MAP4K1: variants seen among roughly 807,000 people sequenced by gnomAD.
MAP4K1 encodes MAPK/ERK kinase kinase kinase 1.
A neutral mutation model predicts 122.8 loss-of-function variants in MAP4K1; 35 were observed. The ratio of observed to expected loss-of-function variants is 0.29; its 90% CI spans 0.22 to 0.38. The LOEUF (loss-of-function observed/expected upper bound fraction) is 0.38. MAP4K1 is among the 10% of genes least tolerant of loss of function. MAP4K1 has a pLI of 1.00. For missense variants in MAP4K1, 791 were observed against 1,072.6 expected (o/e 0.74, Z 3.67); for synonymous variants, 412 against 421.3 (o/e 0.98, Z 0.27).
At chr19:38,611,350 G>T in intron 9 of MAP4K1, 45 bp from the exon 10 acceptor site, 1 of 1,354,394 alleles carries the variant, frequency 7.4e-7, no homozygotes, top group Non-Finnish European at 1.1e-6. Context: ...CCTCAAGGGG[G>T]CCAGACCTCA....
chr19:38,597,235 A>C lies in MAP4K1; in HGVS notation c.1837+91T>G. The C allele has an allele frequency of 6.2e-7, 1 of 1,600,666 alleles. No homozygotes were observed. The highest frequency in any genetic ancestry group is 8.6e-7 in the Non-Finnish European group (1 of 1,168,946). ...TCTGGGTTCTGGACACATTGCCTTA[A>C]CTCTGTAACCTTCTCAGGTGGATGC... On this transcript the variant is annotated intron_variant, in intron 24 of 30. Coordinates refer to ENST00000396857, the MANE Select transcript of MAP4K1 (RefSeq NM_001042600.3). This position sits in a 1 kb window ranked among gnomAD's most constrained non-coding sequence, Gnocchi z 4.6.
At chr19:38,611,166 G>A (rs1238378620) in intron 10 of MAP4K1, 34 bp from the exon 11 acceptor site, 2 of 1,598,986 alleles carry the variant, frequency 1.3e-6, no homozygotes, top group Non-Finnish European at 8.6e-7. Context: ...TGGATGAGGG[G>A]ACCAGAAACC....
At chr19:38,598,347 T>G (rs1052948391) in intron 22 of MAP4K1, among the ~76,000 whole-genome samples, 1 of 151,834 alleles carries the variant, frequency 6.6e-6, no homozygotes, top group Non-Finnish European at 1.5e-5. Context: ...TTGTTATATA[T>G]AGACAGGGTC....
In MAP4K1 at chr19:38,597,631, T is replaced by G; in HGVS notation, c.1670-37A>C. 7.0e-7 allele frequency: 1 copy of G among 1,436,830 alleles called. No homozygotes were observed. Among genetic ancestry groups the G allele is most frequent in the Non-Finnish European group, 9.6e-7 (1 of 1,037,218 alleles). 89.0% of individuals were successfully genotyped at this position (1,436,830 alleles called of 1,614,324 possible). A position where few individuals can be genotyped will look rare whatever the true frequency, so the allele number is the denominator to read the frequency against. On this transcript the variant is annotated intron_variant, in intron 22 of 30. Coordinates refer to ENST00000396857, the MANE Select transcript of MAP4K1 (RefSeq NM_001042600.3). This position sits in a 1 kb window ranked among gnomAD's most constrained non-coding sequence, Gnocchi z 4.6. ...GTGTATGTAGGGGGAAGCAGGAAGT[T>G]ATAGGATCCCATATACCACTTCCTT...
chr19:38,608,856 T>G (rs1599714118), intron 13 of MAP4K1, among the ~76,000 whole-genome samples: 1 of 137,204 alleles, frequency 7.3e-6, no homozygotes, highest in South Asian at 2.4e-4. Flanking sequence ...TGAATAAGCC[T>G]GTAGTCCCAG....
At chr19:38,596,917 T>TC (rs1974906074) in intron 25 of MAP4K1, 117 bp downstream of exon 25, 1 of 950,458 alleles carries the variant, frequency 1.1e-6, no homozygotes, top group Non-Finnish European at 1.6e-6. Context: ...CCTCGGGAGA[T>TC]TGGGGCGGGG....
In MAP4K1 at chr19:38,601,049, G is replaced by A. The variant is rs943567148; in HGVS notation, c.1531+392C>T. Among the ~76,000 whole-genome samples the A allele has an allele frequency of 8.0e-5, 12 of 150,466 alleles. No homozygotes were observed. The East Asian group carries it at 1.2e-3, about 15-fold the overall frequency. ...TCAAACTCCTGACCTCAAATGATCC[G>A]CCCGCCTCCGCCTCCCAAAGTGCTG... On this transcript the variant is annotated intron_variant, in intron 20 of 30. Transcript: ENST00000396857.
At position 38,597,854 on chromosome 19, in the gene MAP4K1, C is replaced by T. The variant is rs1368086546; in HGVS notation, c.1670-260G>A. Among the ~76,000 whole-genome samples, 3 of 152,076 alleles carry T rather than the reference C, an allele frequency of 2.0e-5. No homozygotes were observed. Among genetic ancestry groups the T allele is most frequent in the African/African-American group, 7.2e-5 (3 of 41,396 alleles). ...TTCCCTACCCTCGTGGTATTTGTAGCCGTATCAGAAACTCTGGACACATAA... is the reference window on the plus strand; with the variant it reads ...TTCCCTACCCTCGTGGTATTTGTAGTCGTATCAGAAACTCTGGACACATAA... On this transcript the variant is annotated intron_variant, in intron 22 of 30. Transcript: ENST00000396857. The surrounding 1 kb of genome is among the most constrained non-coding windows in gnomAD (Gnocchi z 4.6).
rs766104485 is a variant in MAP4K1 at position 38,598,029 on chromosome 19, TTTA to T, written c.1670-438_1670-436del. Among the ~76,000 whole-genome samples the T allele has an allele frequency of 3.4e-4, 52 of 150,786 alleles. No individual in the cohort carries two copies. The East Asian group carries it at 6.0e-3, about 17-fold the overall frequency. On this transcript the variant is annotated intron_variant, in intron 22 of 30. Coordinates refer to ENST00000396857, the MANE Select transcript of MAP4K1 (RefSeq NM_001042600.3). ...CCAAAACTAGAAATTATTTCATTTA[TTTA>T]TTATTATTATTATTATTTTAGACAG...
intron 29 of MAP4K1, among the ~76,000 whole-genome samples, chr19:38,594,217 C>T (rs1413530772): frequency 6.6e-6 from 1 of 152,138 alleles, no homozygotes; most frequent in Non-Finnish European, 1.5e-5. Context: ...TGCAGTGGCT[C>T]ACACCTGTAA....
intron 19 of MAP4K1, among the ~76,000 whole-genome samples, chr19:38,604,389 A>G (rs1456602401): frequency 6.6e-6 from 1 of 152,050 alleles, no homozygotes; most frequent in South Asian, 2.1e-4. Context: ...GGAGGTTTTG[A>G]TGGATCTTGT....
At chr19:38,603,233 CAT>C (rs199844465) in intron 19 of MAP4K1, among the ~76,000 whole-genome samples, 9,634 of 145,272 alleles carry the variant, frequency 0.066, 706 homozygotes, top group East Asian at 0.26. Flanking sequence ...TACATATACA[CAT>C]ATATATACAC....
At chr19:38,600,027 AC>A (rs1456400871) in intron 21 of MAP4K1, 42 bp from the exon 22 acceptor site, 1 of 1,613,816 alleles carries the variant, frequency 6.2e-7, no homozygotes, top group African/African-American at 1.3e-5. Context: ...CACCCCAGCA[AC>A]CCCCGACTCC....
chr19:38,587,708 A>C lies in MAP4K1; in HGVS notation c.*40T>G, dbSNP rs1002666622. On this transcript the variant is annotated 3_prime_UTR_variant, in exon 31 of 31. Transcript: ENST00000396857. Reference sequence around the variant, plus strand: ...ATGACCACTAGTGTGTCTATGGGGGAGGGGGTGCAAGGACTAGTTCCTGAC... The same window carrying C: ...ATGACCACTAGTGTGTCTATGGGGGCGGGGGTGCAAGGACTAGTTCCTGAC... The C allele has an allele frequency of 1.4e-6, 2 of 1,444,530 alleles. No homozygotes were observed. The highest frequency in any genetic ancestry group is 1.9e-6 in the Non-Finnish European group (2 of 1,026,266). 89.5% of individuals were successfully genotyped at this position (1,444,530 alleles called of 1,614,324 possible). A position where few individuals can be genotyped will look rare whatever the true frequency, so the allele number is the denominator to read the frequency against.
At chr19:38,595,093 A>G (rs1442323161) in intron 29 of MAP4K1, among the ~76,000 whole-genome samples, 1 of 152,018 alleles carries the variant, frequency 6.6e-6, no homozygotes, top group African/African-American at 2.4e-5. Context: ...AAGACCATCC[A>G]GCCTGATGAA....
chr19:38,603,040 GTACATATATACGCATA>G (rs1258787778), intron 19 of MAP4K1, among the ~76,000 whole-genome samples: 1 of 118,218 alleles, frequency 8.5e-6, no homozygotes, highest in Non-Finnish European at 1.7e-5. Flanking sequence ...ATATACACAT[GTACATATATACGCATA>G]TACATATACA....
Position 38,614,055 on chromosome 19 carries a change from C to T in MAP4K1, c.448G>A (p.Glu150Lys). ...CAGCCTTACTCACCCAATCTGACCT[C>T]CCCAGCATCATTGATGAGGATGTTA... ...GANILINDAG[E>K]VRLADFGISA... is the part of the protein sequence containing the mutation. Residue 150 changes from glutamate to lysine, a missense_variant, in exon 7 of 31, where the codon GAG becomes AAG. By Grantham distance (56) the Glu-to-Lys change is moderately conservative (BLOSUM62 1). Transcript: ENST00000396857. 5 of 1,613,558 alleles carry T rather than the reference C, an allele frequency of 3.1e-6. No individual in the cohort carries two copies. Among genetic ancestry groups the T allele is most frequent in the Non-Finnish European group, 3.4e-6 (4 of 1,179,904 alleles).
chr19:38,599,012 CAAAAAA>C (rs944497385), intron 22 of MAP4K1, among the ~76,000 whole-genome samples: 1 of 38,000 alleles, frequency 2.6e-5, no homozygotes, highest in Non-Finnish European at 5.0e-5. Context: ...GAGTCTATCT[CAAAAAA>C]AAAAAAAAAA....
chr19:38,614,534 G>A, intron 4 of MAP4K1, 89 bp from the exon 5 acceptor site: 1 of 1,392,188 alleles, frequency 7.2e-7, no homozygotes, highest in Non-Finnish European at 1.0e-6. Context: ...CCAGCTAAGA[G>A]GGTGCCATAG....
Sources: gnomAD v4.1 joint callset for allele counts (sites outside exome capture counted in the v4.1 genomes callset) on GRCh38, gnomAD v4.1.1 for gene constraint, Gnocchi (gnomAD v3.1) non-coding constraint, MANE v1.5 for transcripts, NCBI Gene and HGNC (gene_info 2026-07-23, HGNC 2026-07-21) for gene names.